The following PTPRQ variants were observed in gnomAD, a reference collection of about 807,000 sequenced individuals.
PTPRQ encodes the protein protein tyrosine phosphatase receptor type Q.
Under a neutral mutation model 246.0 loss-of-function variants are expected in PTPRQ, and 199 were observed. That is an observed-to-expected ratio of 0.81 (90% CI 0.72 to 0.91). The LOEUF is 0.91. Ranked by LOEUF, PTPRQ falls within the 40% of genes least tolerant of loss-of-function variation. The pLI, the probability that PTPRQ is intolerant of heterozygous loss-of-function variation, is 0.00. For missense variants in PTPRQ, 2,624 were observed against 2,528.4 expected (o/e 1.04, Z -0.81); for synonymous variants, 869 against 853.2 (o/e 1.02, Z -0.32).
chr12:80,643,626 G>A (rs1899970286), intron 35 of PTPRQ, among the ~76,000 whole-genome samples: 1 of 152,174 alleles, frequency 6.6e-6, no homozygotes, highest in African/African-American at 2.4e-5. Flanking sequence ...GGATGTGAAA[G>A]AATGCAGAAG....
At chr12:80,607,821 G>T (rs1054460830) in intron 27 of PTPRQ, among the ~76,000 whole-genome samples, 2 of 150,658 alleles carry the variant, frequency 1.3e-5, no homozygotes, top group African/African-American at 4.9e-5. Flanking sequence ...AATGCATTTA[G>T]GATCATTTTC....
chr12:80,616,386 C>T (rs191256546), intron 30 of PTPRQ, 120 bp downstream of exon 30: 1 of 867,548 alleles, frequency 1.2e-6, no homozygotes, highest in Admixed American at 4.4e-5. Flanking sequence ...ATATTAAGCA[C>T]ATACTAAGTA....
chr12:80,628,190 T>C (rs1385769186), intron 33 of PTPRQ, among the ~76,000 whole-genome samples: 2 of 152,116 alleles, frequency 1.3e-5, no homozygotes, highest in African/African-American at 4.8e-5. Context: ...AAACCGTTCG[T>C]ATTTTAATGT....
chr12:80,637,701 T>G (rs1183456719), intron 35 of PTPRQ, among the ~76,000 whole-genome samples: 1 of 152,224 alleles, frequency 6.6e-6, no homozygotes, highest in Non-Finnish European at 1.5e-5. Context: ...ATAAAGTCAC[T>G]AAAACATTAG....
intron 38 of PTPRQ, among the ~76,000 whole-genome samples, chr12:80,657,447 T>C (rs1163017): frequency 1.3e-5 from 2 of 151,762 alleles, no homozygotes; most frequent in Admixed American, 6.6e-5. Flanking sequence ...TTGGAATGCA[T>C]ATATATAAAA....
intron 27 of PTPRQ, among the ~76,000 whole-genome samples, chr12:80,607,431 T>TTTCCTTCC (rs57625204): frequency 0.025 from 3,532 of 139,350 alleles, 69 homozygotes; most frequent in Middle Eastern, 0.049. Context: ...AGTAGAGGTA[T>TTTCCTTCC]TTCCTTCCTT....
intron 17 of PTPRQ, among the ~76,000 whole-genome samples, chr12:80,511,276 A>G (rs1414980789): frequency 1.3e-5 from 2 of 152,022 alleles, no homozygotes; most frequent in African/African-American, 4.8e-5. Flanking sequence ...ACCCCTTTAC[A>G]TATTTCTCTT....
intron 28 of PTPRQ, 58 bp downstream of exon 28, chr12:80,610,683 C>T (rs1040178654): frequency 3.3e-6 from 5 of 1,524,878 alleles, no homozygotes; most frequent in East Asian, 2.5e-5. Context: ...GGCTTTCTTA[C>T]AGTTCATCAT....
In PTPRQ at chr12:80,542,810, C is replaced by T. The variant is rs1896193718; in HGVS notation, c.3802C>T (p.Leu1268Phe). The T allele has an allele frequency of 5.8e-6, 9 of 1,548,756 alleles. No homozygotes were observed. The highest frequency in any genetic ancestry group is 7.0e-6 in the Non-Finnish European group (8 of 1,145,680). ...ATGGCTGAAATGGAGCCCAAGTCCTCTTCCAGGTGGTATTGTTAAAGTATA... is the reference window on the plus strand; with the variant it reads ...ATGGCTGAAATGGAGCCCAAGTCCTTTTCCAGGTGGTATTGTTAAAGTATA... ...FVWLKWSPSP[L>F]PGGIVKVYSF... Residue 1268 changes from leucine to phenylalanine, a missense_variant, in exon 23 of 45, where the codon CTT (leucine) becomes TTT (phenylalanine). Transcript: ENST00000644991.
In PTPRQ at chr12:80,620,280, A is replaced by G; in HGVS notation, c.5516A>G (p.Glu1839Gly). 1 of 1,549,660 alleles carries G rather than the reference A, an allele frequency of 6.5e-7. No individual in the cohort carries two copies. The change falls in exon 32 of 45, where the codon GAA becomes GGA. Residue 1839 changes from glutamate (E) to glycine (G), a missense_variant. Transcript: ENST00000644991. ...GGAAAGACAAAGTTTAGTGGCAATG[A>G]AGAAATCTACATCATAGGTGCTGAT... ...TEGKTKFSGN[E>G]EIYIIGADNA... is the part of the protein sequence containing the mutation.
rs760712015 is a variant in PTPRQ, at chr12:80,455,423, A to C, written c.391-2152A>C. ...TAGTTAGCTTTTCATTTTTCTTCCAAATCTTCTTGTTTTTACATGTCTGTT... is the reference window on the plus strand; with the variant it reads ...TAGTTAGCTTTTCATTTTTCTTCCACATCTTCTTGTTTTTACATGTCTGTT... On this transcript the variant is annotated intron_variant, in intron 3 of 44. Transcript: ENST00000644991. Among the ~76,000 whole-genome samples the C allele has an allele frequency of 2.0e-5, 3 of 151,972 alleles. No individual in the cohort carries two copies. In the East Asian group the frequency reaches 5.8e-4, roughly 29 times the overall value.
At chr12:80,628,158 A>T (rs1899276958) in intron 33 of PTPRQ, among the ~76,000 whole-genome samples, 1 of 152,096 alleles carries the variant, frequency 6.6e-6, no homozygotes. Context: ...AATTAGAGTC[A>T]CCATGTGAAA....
chr12:80,605,340 T>C (rs1046491071), intron 27 of PTPRQ, among the ~76,000 whole-genome samples, 160 bp downstream of exon 27: 8 of 151,372 alleles, frequency 5.3e-5, no homozygotes, highest in African/African-American at 1.9e-4. Context: ...AGATTAATAA[T>C]AGTAAACAGG....
intron 8 of PTPRQ, among the ~76,000 whole-genome samples, chr12:80,473,047 GCACACACACACACACACACACACA>G (rs34054644): frequency 1.4e-5 from 2 of 145,574 alleles, no homozygotes; most frequent in Non-Finnish European, 3.0e-5. Flanking sequence ...TCACACACAC[GCACACACACACACACACACACACA>G]CACACAGGTC....
At chr12:80,649,168 G>A (rs747256365) in intron 36 of PTPRQ, among the ~76,000 whole-genome samples, 2 of 151,998 alleles carry the variant, frequency 1.3e-5, no homozygotes, top group Non-Finnish European at 2.9e-5. Context: ...TAAACTCCTT[G>A]GGGTTTGAAA....
chr12:80,519,686 T>C (rs1895412199), intron 17 of PTPRQ, among the ~76,000 whole-genome samples: 1 of 152,190 alleles, frequency 6.6e-6, no homozygotes, highest in Admixed American at 6.5e-5. Context: ...ACGATCCATG[T>C]TCACTTTGGG....
intron 6 of PTPRQ, among the ~76,000 whole-genome samples, chr12:80,463,675 G>A (rs906859045): frequency 6.6e-6 from 1 of 151,844 alleles, no homozygotes. Flanking sequence ...TCTCTCGGCA[G>A]AAACCCTAGA....
At position 80,620,184 on chromosome 12, in the gene PTPRQ, A is replaced by G. The variant is rs1170727014; in HGVS notation, c.5420A>G (p.Tyr1807Cys). The G allele has an allele frequency of 3.9e-6, 6 of 1,548,252 alleles. No individual in the cohort carries two copies. The highest frequency in any genetic ancestry group is 3.9e-5 in the Admixed American group (2 of 50,820). The change falls in exon 32 of 45, where the codon TAT (tyrosine) becomes TGT (cysteine). Residue 1807 changes from tyrosine (Y) to cysteine (C), a missense_variant. Tyr to Cys is a radical substitution (Grantham distance 194, BLOSUM62 -2). Transcript: ENST00000644991. ...AQHDGNVTKW[Y>C]DAYFNKARPY... Reference sequence around the variant, plus strand: ...CATGATGGAAATGTAACAAAGTGGTATGATGCATATTTTAATAAAGCAAGG... The same window carrying G: ...CATGATGGAAATGTAACAAAGTGGTGTGATGCATATTTTAATAAAGCAAGG...
chr12:80,552,592 C>T (rs1896507698), intron 25 of PTPRQ, among the ~76,000 whole-genome samples: 1 of 135,006 alleles, frequency 7.4e-6, no homozygotes, highest in African/African-American at 2.8e-5. Context: ...GCAATGTGCA[C>T]CTGATGTAGA....
Sources: allele counts gnomAD v4.1 joint callset (sites outside exome capture counted in the v4.1 genomes callset), GRCh38; gene constraint gnomAD v4.1.1; transcripts MANE v1.5; gene names NCBI Gene and HGNC (gene_info 2026-07-23, HGNC 2026-07-21).